The following CPNE2 variants were observed in gnomAD, a reference collection of about 807,000 sequenced individuals.
CPNE2 encodes copine-2.
CPNE2 carries 42 observed loss-of-function variants against 69.7 expected under a neutral mutation model. The observed-to-expected ratio is 0.60, with a 90% CI of 0.47 to 0.78. The LOEUF is 0.78. Among genes scored for constraint, CPNE2 ranks in the 30% least tolerant of loss-of-function variants. The pLI is 0.00. For synonymous variants in CPNE2, 294 were observed against 289.8 expected, an observed-to-expected ratio of 1.01 and a Z score of -0.15; for missense variants, 587 against 732.0, an observed-to-expected ratio of 0.80 and a Z score of 2.29.
intron 14 of CPNE2, chr16:57,142,758 C>T (rs1191325677): frequency 6.6e-6 from 1 of 152,224 alleles, no homozygotes; most frequent in African/African-American, 2.4e-5. Context: ...GCTCCCCTCG[C>T]AGGGTCCTCA....
intron 1 of CPNE2, among the ~76,000 whole-genome samples, chr16:57,094,310 G>T (rs2069564513): frequency 6.6e-6 from 1 of 152,172 alleles, no homozygotes; most frequent in African/African-American, 2.4e-5. Flanking sequence ...GGGCGGCTGG[G>T]AGGCTGGAAC....
intron 4 of CPNE2, among the ~76,000 whole-genome samples, chr16:57,116,583 G>T (rs1567667957): frequency 6.6e-6 from 1 of 152,170 alleles, no homozygotes; most frequent in Admixed American, 6.5e-5. Context: ...GCCTTCACAA[G>T]GCAGCTTCCA....
At chr16:57,123,373 C>G (rs760036460) in intron 9 of CPNE2, 41 bp from the exon 10 acceptor site, 2 of 1,604,566 alleles carry the variant, frequency 1.2e-6, no homozygotes, top group African/African-American at 1.3e-5. Context: ...GGGAGTGTGA[C>G]CAAGTCAAGG....
intron 1 of CPNE2, among the ~76,000 whole-genome samples, chr16:57,107,444 C>A (rs1283321195): frequency 6.6e-6 from 1 of 152,198 alleles, no homozygotes; most frequent in Non-Finnish European, 1.5e-5. Flanking sequence ...CTGCCAGCCC[C>A]ACTCTCACCC....
At chr16:57,098,362 C>A (rs1366737390) in intron 1 of CPNE2, among the ~76,000 whole-genome samples, 8 of 152,242 alleles carry the variant, frequency 5.3e-5, no homozygotes, top group Non-Finnish European at 7.3e-5. Context: ...TGATTTGTGT[C>A]AAGGTGCCGC....
chr16:57,119,132 C>A, intron 5 of CPNE2, 63 bp from the exon 6 acceptor site: 4 of 1,432,580 alleles, frequency 2.8e-6, no homozygotes, highest in Non-Finnish European at 3.9e-6. Flanking sequence ...AGGGCCACAC[C>A]CCCATCTGCC....
chr16:57,133,429 C>T (rs1189290121), intron 12 of CPNE2, among the ~76,000 whole-genome samples: 1 of 152,164 alleles, frequency 6.6e-6, no homozygotes, highest in Non-Finnish European at 1.5e-5. Flanking sequence ...ACTCCCACCC[C>T]CAGGGGAGGG....
chr16:57,121,843 C>T (rs2069764855), intron 9 of CPNE2, 83 bp downstream of exon 9: 2 of 1,328,580 alleles, frequency 1.5e-6, no homozygotes, highest in Non-Finnish European at 2.1e-6. Flanking sequence ...GATCTGGAGC[C>T]AGCGAGGCCT....
chr16:57,138,078 C>T (rs931742726), intron 14 of CPNE2, among the ~76,000 whole-genome samples: 1 of 152,216 alleles, frequency 6.6e-6, no homozygotes, highest in Admixed American at 6.5e-5. Flanking sequence ...CCTGACTCAG[C>T]CCTGCTCCTC....
intron 10 of CPNE2, 67 bp downstream of exon 10, chr16:57,123,540 G>A: frequency 6.6e-7 from 1 of 1,524,596 alleles, no homozygotes; most frequent in Non-Finnish European, 9.1e-7. Flanking sequence ...GAAGACTTGG[G>A]CCACTAGTGC....
At chr16:57,127,993 TG>T in intron 12 of CPNE2, 90 bp downstream of exon 12, 5 of 1,347,818 alleles carry the variant, frequency 3.7e-6, no homozygotes, top group Non-Finnish European at 5.3e-6. Flanking sequence ...GGTCTTGGGC[TG>T]GGGCCCTGTT....
At chr16:57,137,406 T>G in intron 14 of CPNE2, 124 bp downstream of exon 14, 1 of 1,263,968 alleles carries the variant, frequency 7.9e-7, no homozygotes, top group Non-Finnish European at 1.1e-6. Flanking sequence ...TTGCTTTACC[T>G]TCACGTATTG....
chr16:57,094,763 C>G (rs145941109), intron 1 of CPNE2, among the ~76,000 whole-genome samples: 3 of 152,296 alleles, frequency 2.0e-5, no homozygotes, highest in East Asian at 3.9e-4. Flanking sequence ...GCTCCTCCCC[C>G]TCCCGTCAGG....
chr16:57,117,382 GCCCTT>G, intron 4 of CPNE2, 109 bp from the exon 5 acceptor site: 1 of 997,206 alleles, frequency 1.0e-6, no homozygotes, highest in Non-Finnish European at 1.5e-6. Flanking sequence ...ACCTGGAACT[GCCCTT>G]CCCTTCCCCC....
intron 7 of CPNE2, among the ~76,000 whole-genome samples, chr16:57,120,640 T>G (rs1404310185): frequency 1.3e-5 from 2 of 152,078 alleles, no homozygotes; most frequent in African/African-American, 4.8e-5. Context: ...GGTACATCTC[T>G]TTCAGGGCCT....
chr16:57,117,638 A>C, intron 5 of CPNE2, 71 bp downstream of exon 5: 1 of 1,548,628 alleles, frequency 6.5e-7, no homozygotes, highest in Admixed American at 1.8e-5. Context: ...GTGTGGCCTC[A>C]TTCCGGGACC....
At chr16:57,116,723 G>A (rs1297394960) in intron 4 of CPNE2, among the ~76,000 whole-genome samples, 1 of 152,218 alleles carries the variant, frequency 6.6e-6, no homozygotes, top group Non-Finnish European at 1.5e-5. Context: ...TACCCTATAG[G>A]GTTGTTGAGC....
rs138629966 is a variant in CPNE2 at position 57,117,314 on chromosome 16, G to C, written c.436-182G>C. ...CTCATCTCCAGATGGGTTATTTTCCGCATTTTCCAGAAGATGGAAACTGAG... is the reference window on the plus strand; with the variant it reads ...CTCATCTCCAGATGGGTTATTTTCCCCATTTTCCAGAAGATGGAAACTGAG... On this transcript the variant is annotated intron_variant, in intron 4 of 15. Coordinates refer to ENST00000290776, the MANE Select transcript of CPNE2 (RefSeq NM_152727.6). 6.3e-3 allele frequency among the ~76,000 whole-genome samples: 961 copies of C among 152,242 alleles called. 18 individuals carry two copies. Among genetic ancestry groups the C allele is most frequent in the African/African-American group, 0.022 (909 of 41,540 alleles).
chr16:57,124,287 G>A, intron 10 of CPNE2: 1 of 417,822 alleles, frequency 2.4e-6, no homozygotes, highest in Non-Finnish European at 4.9e-6. Context: ...TTGCTATGTT[G>A]CCCAGGCTGG....
Sources: allele counts gnomAD v4.1 joint callset (sites outside exome capture counted in the v4.1 genomes callset), GRCh38; gene constraint gnomAD v4.1.1; transcripts MANE v1.5; gene names NCBI Gene and HGNC (gene_info 2026-07-23, HGNC 2026-07-21).